SETBP1: variants seen among roughly 807,000 people sequenced by gnomAD.
SETBP1 encodes the protein SET binding protein 1, also known as SET-binding protein.
Under a neutral mutation model 101.0 loss-of-function variants are expected in SETBP1, and 9 were observed. The observed-to-expected ratio is 0.09, with a 90% CI of 0.05 to 0.16. The LOEUF (loss-of-function observed/expected upper bound fraction) is 0.16, where lower values mean the gene tolerates loss of function less well. SETBP1 is among the 10% of genes least tolerant of loss of function. The pLI is 1.00. For synonymous variants in SETBP1, 818 were observed against 788.5 expected, an observed-to-expected ratio of 1.04 and a Z score of -0.63; for missense variants, 1,858 against 2,033.8, an observed-to-expected ratio of 0.91 and a Z score of 1.66.
Position 44,950,226 on chromosome 18 carries a change from C to T in SETBP1, c.886C>T (p.His296Tyr). Residue 296 changes from histidine to tyrosine, a missense_variant, in exon 4 of 6, where the codon CAC (histidine) becomes TAC (tyrosine). This residue lies in a region of SETBP1 where 581 missense variants were observed against 535.1 expected (regional missense o/e 1.09). Transcript: ENST00000649279. ...AGGTGTGGCTCCATCCCCAAGCAGC[C>T]ACAGCTCACCAGCCCCACCCAGCAG... The part of the protein sequence containing the change: ...LGGVAPSPSS[H>Y]SSPAPPSSSA... 6.2e-7 allele frequency: 1 copy of T among 1,613,928 alleles called. No homozygotes were observed.
At chr18:44,894,760 C>T (rs1169849289) in intron 3 of SETBP1, among the ~76,000 whole-genome samples, 1 of 151,706 alleles carries the variant, frequency 6.6e-6, no homozygotes, top group Non-Finnish European at 1.5e-5. Flanking sequence ...CAGGAATCAA[C>T]AAAGGACCAC....
At position 45,064,709 on chromosome 18, in the gene SETBP1, A is replaced by C. The variant is rs1340229037; in HGVS notation, c.*1011A>C. 6.6e-6 allele frequency: 1 copy of C among 151,788 alleles called. No individual in the cohort carries two copies. The highest frequency in any genetic ancestry group is 1.5e-5 in the Non-Finnish European group (1 of 67,988). The allele number at this position is 151,788 out of a possible 1,614,324, so 9.4% of individuals were successfully genotyped here. On this transcript the variant is annotated 3_prime_UTR_variant, in exon 6 of 6. Transcript: ENST00000649279. ...CCACAGCAAATAGAGTAACTGACAA[A>C]CCACCAAAAACTGAAACCCCAGACC...
chr18:44,715,542 C>T (rs895238214), intron 2 of SETBP1, among the ~76,000 whole-genome samples: 1 of 152,160 alleles, frequency 6.6e-6, no homozygotes. Flanking sequence ...GGGTCCAAGT[C>T]CCTGTTCTGC....
chr18:44,943,559 T>C (rs1456544586), intron 3 of SETBP1, among the ~76,000 whole-genome samples: 1 of 152,256 alleles, frequency 6.6e-6, no homozygotes, highest in Non-Finnish European at 1.5e-5. Context: ...AGGTTCCACG[T>C]CCAGAATGTT....
chr18:44,963,369 T>C (rs1890464740), intron 4 of SETBP1, among the ~76,000 whole-genome samples: 3 of 152,160 alleles, frequency 2.0e-5, no homozygotes, highest in African/African-American at 2.4e-5. Flanking sequence ...CAGGGTCTAA[T>C]GTCAATTCTG....
At chr18:44,835,065 G>A (rs2144487930) in intron 2 of SETBP1, among the ~76,000 whole-genome samples, 1 of 152,262 alleles carries the variant, frequency 6.6e-6, no homozygotes, top group Non-Finnish European at 1.5e-5. Context: ...TAGGGAGATT[G>A]GATTTTACAG....
chr18:44,944,762 CAA>C (rs1306061290), intron 3 of SETBP1, among the ~76,000 whole-genome samples: 1 of 152,128 alleles, frequency 6.6e-6, no homozygotes, highest in East Asian at 1.9e-4. Context: ...TTATCTTCCA[CAA>C]AGTCAGGCTT....
At chr18:44,942,946 A>G (rs1248012101) in intron 3 of SETBP1, among the ~76,000 whole-genome samples, 1 of 152,206 alleles carries the variant, frequency 6.6e-6, no homozygotes, top group Non-Finnish European at 1.5e-5. Context: ...GGGTGACAGA[A>G]TATGAGGATG....
intron 3 of SETBP1, among the ~76,000 whole-genome samples, chr18:44,901,394 A>C (rs2070041522): frequency 6.6e-6 from 1 of 152,184 alleles, no homozygotes; most frequent in Non-Finnish European, 1.5e-5. Context: ...TTGAAGCCAA[A>C]CAGATTCATC....
chr18:44,918,871 T>C (rs976177658), intron 3 of SETBP1, among the ~76,000 whole-genome samples: 9 of 152,234 alleles, frequency 5.9e-5, no homozygotes, highest in Non-Finnish European at 1.0e-4. Flanking sequence ...TCAACAGAAC[T>C]GTAGGGGAAA....
chr18:44,753,566 A>C (rs942470694), intron 2 of SETBP1, among the ~76,000 whole-genome samples: 1 of 152,334 alleles, frequency 6.6e-6, no homozygotes, highest in African/African-American at 2.4e-5. Flanking sequence ...CCCACACCCA[A>C]GGAAATTCAT....
chr18:44,724,466 G>T (rs952605175), intron 2 of SETBP1, among the ~76,000 whole-genome samples: 4 of 152,294 alleles, frequency 2.6e-5, no homozygotes, highest in African/African-American at 9.6e-5. Context: ...ACCAGAGATA[G>T]GTAAGTGAGA....
chr18:45,000,473 G>A (rs771523201), intron 4 of SETBP1, among the ~76,000 whole-genome samples: 1 of 151,746 alleles, frequency 6.6e-6, no homozygotes, highest in South Asian at 2.1e-4. Context: ...AGTGTAGGGG[G>A]AGGTTGGAGA....
At chr18:44,680,604 A>G (rs2068742953), upstream of SETBP1, among the ~76,000 whole-genome samples, 1 of 152,020 alleles carries the variant, frequency 6.6e-6, no homozygotes, top group Non-Finnish European at 1.5e-5. Context: ...AGGTTGCAGG[A>G]GATGGGCGCG....
intron 3 of SETBP1, among the ~76,000 whole-genome samples, chr18:44,916,204 T>C (rs1200703082): frequency 6.6e-6 from 1 of 152,190 alleles, no homozygotes; most frequent in Non-Finnish European, 1.5e-5. Context: ...CCAGCCTGGG[T>C]GACAGAGCAA....
At chr18:45,018,837 G>A (rs751688324) in intron 4 of SETBP1, among the ~76,000 whole-genome samples, 5 of 152,314 alleles carry the variant, frequency 3.3e-5, no homozygotes, top group South Asian at 2.1e-4. Flanking sequence ...CGGAGCTATG[G>A]CATAGGCTCA....
chr18:44,953,755 A>T (rs184621621), intron 4 of SETBP1, among the ~76,000 whole-genome samples: 15 of 152,258 alleles, frequency 9.9e-5, no homozygotes, highest in Admixed American at 9.8e-4. Context: ...TGACTAGCTA[A>T]TTTATCTGGC....
At chr18:44,971,276 T>G (rs2071852129) in intron 4 of SETBP1, among the ~76,000 whole-genome samples, 1 of 152,190 alleles carries the variant, frequency 6.6e-6, no homozygotes, top group Non-Finnish European at 1.5e-5. Flanking sequence ...AGTCTATCAT[T>G]GTTGGACATT....
intron 3 of SETBP1, among the ~76,000 whole-genome samples, chr18:44,891,879 G>C (rs1288480899): frequency 6.6e-6 from 1 of 152,090 alleles, no homozygotes; most frequent in Admixed American, 6.6e-5. Flanking sequence ...AATAGGAACT[G>C]TAAAAGACAT....
Sources: allele counts gnomAD v4.1 joint callset (sites outside exome capture counted in the v4.1 genomes callset), GRCh38; gene constraint gnomAD v4.1.1; regional missense constraint gnomAD v4.1.1; transcripts MANE v1.5; gene names NCBI Gene and HGNC (gene_info 2026-07-23, HGNC 2026-07-21).